Variants in PTPN14 observed in about 807,000 individuals in gnomAD.
PTPN14 encodes protein tyrosine phosphatase non-receptor type 14, also known as tyrosine-protein phosphatase non-receptor type 14.
In PTPN14, 53 loss-of-function variants were observed where a neutral mutation model predicts 126.8. The observed-to-expected ratio is 0.42, with a 90% CI of 0.34 to 0.53. The LOEUF (loss-of-function observed/expected upper bound fraction) is 0.53. PTPN14 is among the 20% of genes least tolerant of loss of function. PTPN14 has a pLI of 0.08. For synonymous variants in PTPN14, 630 were observed against 599.3 expected, an observed-to-expected ratio of 1.05 and a Z score of -0.75; for missense variants, 1,257 against 1,552.9, an observed-to-expected ratio of 0.81 and a Z score of 3.20.
chr1:214,471,747 T>C (rs192324143), intron 1 of PTPN14, among the ~76,000 whole-genome samples: 57 of 152,334 alleles, frequency 3.7e-4, no homozygotes, highest in African/African-American at 1.3e-3. Context: ...CACGGCTACC[T>C]GGTTATCCCA....
chr1:214,411,780 T>G, intron 4 of PTPN14, 29 bp from the exon 5 acceptor site: 1 of 1,387,632 alleles, frequency 7.2e-7, no homozygotes, highest in Non-Finnish European at 1.0e-6. Flanking sequence ...GGAAGGGCAG[T>G]ATTTATTATA....
chr1:214,496,226 A>C (rs577749247), intron 1 of PTPN14, among the ~76,000 whole-genome samples: 3 of 152,304 alleles, frequency 2.0e-5, no homozygotes, highest in African/African-American at 7.2e-5. Flanking sequence ...CCCAGTGAAC[A>C]GGTGAGAGAG....
intron 1 of PTPN14, among the ~76,000 whole-genome samples, chr1:214,488,008 G>A (rs11120337): frequency 0.28 from 42,012 of 152,062 alleles, 6,780 homozygotes; most frequent in Non-Finnish European, 0.36. Context: ...GGGACCTAAA[G>A]TCCACATCTA....
At chr1:214,505,451 C>CG (rs939761989) in intron 1 of PTPN14, among the ~76,000 whole-genome samples, 6 of 152,120 alleles carry the variant, frequency 3.9e-5, no homozygotes, top group Admixed American at 2.0e-4. Flanking sequence ...CTGGTCCCTT[C>CG]GGGGGGGTGG....
At chr1:214,456,102 T>G (rs1660376238) in intron 2 of PTPN14, among the ~76,000 whole-genome samples, 1 of 138,876 alleles carries the variant, frequency 7.2e-6, no homozygotes, top group South Asian at 2.3e-4. Context: ...TTTCCAGTTT[T>G]GTGACAATGG....
intron 1 of PTPN14, chr1:214,531,508 A>ACACACACACACACT (rs1281892628): frequency 6.8e-6 from 1 of 146,814 alleles, no homozygotes; most frequent in Non-Finnish European, 1.5e-5. Flanking sequence ...TAACACACAC[A>ACACACACACACACT]CACACACACA....
chr1:214,392,372 A>T (rs183167984), intron 10 of PTPN14, among the ~76,000 whole-genome samples: 10 of 152,302 alleles, frequency 6.6e-5, no homozygotes, highest in African/African-American at 2.2e-4. Flanking sequence ...GATGTTCACT[A>T]ATACTGAAGG....
Position 214,354,919 on chromosome 1 carries a change from T to C in PTPN14, c.*3003A>G, listed in dbSNP as rs1657781903. 6.6e-6 allele frequency: 1 copy of C among 152,236 alleles called. No homozygotes were observed. Among genetic ancestry groups the C allele is most frequent in the Non-Finnish European group, 1.5e-5 (1 of 68,042 alleles). The allele number at this position is 152,236 out of a possible 1,614,324, so 9.4% of individuals were successfully genotyped here. On this transcript the variant is annotated 3_prime_UTR_variant, in exon 19 of 19. Coordinates refer to ENST00000366956, the MANE Select transcript of PTPN14 (RefSeq NM_005401.5). ...TTAATACACTTTGCTTCAAGGTTTA[T>C]TCCTTGGCTTGCTTCCCAGATATAA...
At position 214,386,167 on chromosome 1, in the gene PTPN14, A is replaced by C. The variant is rs1381005060; in HGVS notation, c.1066+677T>G. Among the ~76,000 whole-genome samples, 4 of 152,246 alleles carry C rather than the reference A, an allele frequency of 2.6e-5. No homozygotes were observed. The South Asian group carries it at 8.3e-4, about 31-fold the overall frequency. On this transcript the variant is annotated intron_variant, in intron 12 of 18. Coordinates refer to ENST00000366956, the MANE Select transcript of PTPN14 (RefSeq NM_005401.5). ...TTTCTATAACTGTAAAATAGAAATA[A>C]TAATAGTACCTATAGGTTTATTTTA...
intron 2 of PTPN14, among the ~76,000 whole-genome samples, chr1:214,459,570 A>G (rs564212022): frequency 6.6e-6 from 1 of 151,230 alleles, no homozygotes; most frequent in South Asian, 2.1e-4. Context: ...CCCTGGTTCA[A>G]GTGATTCTCC....
chr1:214,505,926 T>C (rs1228834715), intron 1 of PTPN14, among the ~76,000 whole-genome samples: 3 of 151,920 alleles, frequency 2.0e-5, no homozygotes, highest in African/African-American at 7.3e-5. Flanking sequence ...AAGCAGAAAA[T>C]ATTCCAACTC....
rs144847018 is a variant in PTPN14, at chr1:214,506,232, G to A, written c.-154-41275C>T. Among the ~76,000 whole-genome samples the A allele has an allele frequency of 8.7e-3, 1,328 of 152,264 alleles. 19 individuals carry two copies. The highest frequency in any genetic ancestry group is 0.03 in the African/African-American group (1,254 of 41,534). The stretch of plus-strand genomic sequence containing the variant: ...CTAAATATAAAAACTGGCCAGGCAC[G>A]GTGGCTCACACCCTGTAACCTCAAT... On this transcript the variant is annotated intron_variant, in intron 1 of 18. Coordinates refer to ENST00000366956, the MANE Select transcript of PTPN14 (RefSeq NM_005401.5).
intron 4 of PTPN14, among the ~76,000 whole-genome samples, chr1:214,413,035 A>G (rs1659344113): frequency 1.3e-5 from 2 of 151,818 alleles, no homozygotes; most frequent in East Asian, 1.9e-4. Flanking sequence ...ATACTGGGCT[A>G]ATTTTTTATT....
chr1:214,550,779 C>T (rs1656088860), intron 1 of PTPN14, among the ~76,000 whole-genome samples: 1 of 152,148 alleles, frequency 6.6e-6, no homozygotes, highest in African/African-American at 2.4e-5. Context: ...CAGCTGCATC[C>T]CCCTACCGCT....
chr1:214,487,317 G>T (rs1349278370), intron 1 of PTPN14, among the ~76,000 whole-genome samples: 1 of 152,124 alleles, frequency 6.6e-6, no homozygotes, highest in Non-Finnish European at 1.5e-5. Flanking sequence ...TAGAATTAAA[G>T]AAGGTGCATC....
intron 2 of PTPN14, among the ~76,000 whole-genome samples, chr1:214,457,621 T>C (rs1439520887): frequency 6.6e-6 from 1 of 152,204 alleles, no homozygotes; most frequent in Non-Finnish European, 1.5e-5. Flanking sequence ...TTTCTTAGAA[T>C]AGCACTGTTC....
chr1:214,540,763 A>C (rs1655816068), intron 1 of PTPN14, among the ~76,000 whole-genome samples: 1 of 152,226 alleles, frequency 6.6e-6, no homozygotes, highest in African/African-American at 2.4e-5. Context: ...ATCCACCACC[A>C]TAAAGCAAAT....
chr1:214,457,385 G>C (rs1395823569), intron 2 of PTPN14, among the ~76,000 whole-genome samples: 2 of 152,186 alleles, frequency 1.3e-5, no homozygotes, highest in Non-Finnish European at 2.9e-5. Flanking sequence ...AGAGAGCCGA[G>C]AGTTATGAAA....
chr1:214,508,314 T>C (rs979645337), intron 1 of PTPN14, among the ~76,000 whole-genome samples: 2 of 152,226 alleles, frequency 1.3e-5, no homozygotes, highest in African/African-American at 4.8e-5. Flanking sequence ...CAACTAAGTA[T>C]ATGTTATATT....
Sources: gnomAD v4.1 joint callset for allele counts (sites outside exome capture counted in the v4.1 genomes callset) on GRCh38, gnomAD v4.1.1 for gene constraint, MANE v1.5 for transcripts, NCBI Gene and HGNC (gene_info 2026-07-23, HGNC 2026-07-21) for gene names.